S100A13: variants seen among roughly 807,000 people sequenced by gnomAD.
S100A13 encodes the protein protein S100-A13.
A neutral mutation model predicts 8.2 loss-of-function variants in S100A13; 6 were observed. The ratio of observed to expected loss-of-function variants is 0.73; its 90% CI spans 0.40 to 1.44. The LOEUF (loss-of-function observed/expected upper bound fraction) is 1.44. S100A13 is among the 40% of genes most tolerant of loss of function. S100A13 has a pLI of 0.02. For missense variants in S100A13, 114 were observed against 113.6 expected (o/e 1.00, Z -0.02); for synonymous variants, 39 against 45.9 (o/e 0.85, Z 0.61).
upstream of S100A13, chr1:153,629,533 G>C (rs376972852): frequency 2.0e-5 from 3 of 152,400 alleles, no homozygotes; most frequent in African/African-American, 7.2e-5. Context: ...GAGGCCCCCC[G>C]GCTTGGCAGT....
chr1:153,623,831 T>C (rs1557924367), intron 2 of S100A13, among the ~76,000 whole-genome samples: 1 of 152,232 alleles, frequency 6.6e-6, no homozygotes, highest in African/African-American at 2.4e-5. Flanking sequence ...AAGCTATGCA[T>C]TTTTCTCCAG....
rs564899266 is a variant in S100A13 at position 153,621,760 on chromosome 1, C to T, written c.154-2722G>A. On this transcript the variant is annotated intron_variant, in intron 2 of 2. Coordinates refer to ENST00000476133, the MANE Select transcript of S100A13 (RefSeq NM_001024211.2). ...AAAATCAGCCAGGCATGGTGATGCA[C>T]GGTTCAAGAATCGCTCGAACCCAAG... 9.3e-4 allele frequency among the ~76,000 whole-genome samples: 141 copies of T among 151,590 alleles called. 1 individual carries two copies. The highest frequency in any genetic ancestry group is 3.0e-3 in the African/African-American group (123 of 41,394).
chr1:153,628,384 G>A, upstream of S100A13: 2 of 1,548,330 alleles, frequency 1.3e-6, no homozygotes, highest in Non-Finnish European at 1.7e-6. Flanking sequence ...CGGTGGGGGG[G>A]TCAGCGGGGG....
upstream of S100A13, chr1:153,628,340 C>A (rs1442613816): frequency 1.3e-6 from 2 of 1,531,140 alleles, no homozygotes; most frequent in South Asian, 1.2e-5. Flanking sequence ...TGGCCCCTTG[C>A]CCCACAGGGT....
chr1:153,631,156 C>G (rs1667990235), upstream of S100A13: 1 of 350,934 alleles, frequency 2.8e-6, no homozygotes, highest in African/African-American at 2.1e-5. Context: ...TGGAGCATGT[C>G]AGTAGTTTCA....
At chr1:153,628,307 C>CA (rs1338028486), upstream of S100A13, 68 of 1,510,746 alleles carry the variant, frequency 4.5e-5, no homozygotes, top group Non-Finnish European at 5.6e-5. Context: ...GCCCAGGAGA[C>CA]AGAGGGCGCC....
chr1:153,630,572 C>T (rs953817567), upstream of S100A13: 5 of 1,614,244 alleles, frequency 3.1e-6, no homozygotes, highest in South Asian at 1.1e-5. Context: ...ACGTGTTCCA[C>T]GCCCACTCGG....
chr1:153,625,954 G>C (rs1173612239), intron 2 of S100A13, among the ~76,000 whole-genome samples: 1 of 152,204 alleles, frequency 6.6e-6, no homozygotes, highest in Admixed American at 6.5e-5. Flanking sequence ...GATCACCTGA[G>C]GTCAGGAGTT....
chr1:153,623,747 A>G (rs1667431879), intron 2 of S100A13, among the ~76,000 whole-genome samples: 1 of 152,222 alleles, frequency 6.6e-6, no homozygotes. Context: ...CCAGGGAAAC[A>G]CAGAACCGCC....
rs373433583 is a variant in S100A13 at position 153,624,190 on chromosome 1, G to A, written c.153+2130C>T. Among the ~76,000 whole-genome samples the A allele has an allele frequency of 1.2e-4, 19 of 152,302 alleles. No individual in the cohort carries two copies. In the East Asian group the frequency reaches 1.5e-3, roughly 12 times the overall value. On this transcript the variant is annotated intron_variant, in intron 2 of 2. Transcript: ENST00000476133. ...GAAATCAAGATTTTGGAAGTTGTGC[G>A]TTATTTTGTTAATGACACAGTCTAA...
At chr1:153,631,778 G>GT (rs1180336045), upstream of S100A13, 1 of 1,614,200 alleles carries the variant, frequency 6.2e-7, no homozygotes. Context: ...ACTTCCAGGA[G>GT]TATGTGGTGC....
chr1:153,626,273 C>T, intron 2 of S100A13, 47 bp downstream of exon 2: 1 of 1,575,266 alleles, frequency 6.3e-7, no homozygotes, highest in Non-Finnish European at 8.7e-7. Flanking sequence ...AACACAGTGT[C>T]CCATAATCAT....
upstream of S100A13, chr1:153,631,669 A>T (rs751459782): frequency 6.2e-7 from 1 of 1,613,082 alleles, no homozygotes; most frequent in Non-Finnish European, 8.5e-7. Flanking sequence ...TTCCCTATAC[A>T]CCTCCCTCTT....
chr1:153,619,550 G>A (rs532801303), intron 2 of S100A13, among the ~76,000 whole-genome samples: 1 of 152,256 alleles, frequency 6.6e-6, no homozygotes, highest in East Asian at 1.9e-4. Flanking sequence ...ATCCAGCTGG[G>A]TCACTAGATC....
rs544394894 is a variant in S100A13 at position 153,620,984 on chromosome 1, C to A, written c.154-1946G>T. Among the ~76,000 whole-genome samples the A allele has an allele frequency of 7.3e-5, 11 of 151,404 alleles. No individual in the cohort carries two copies. The South Asian group carries it at 2.3e-3, about 32-fold the overall frequency. Reference sequence around the variant, plus strand: ...GTTCTGGGAACAATTCCCATGGATACAAAATGACAACTATATATTTCATAT... The same window carrying A: ...GTTCTGGGAACAATTCCCATGGATAAAAAATGACAACTATATATTTCATAT... On this transcript the variant is annotated intron_variant, in intron 2 of 2. Transcript: ENST00000476133.
At chr1:153,621,593 T>G (rs1234827391) in intron 2 of S100A13, among the ~76,000 whole-genome samples, 1 of 150,882 alleles carries the variant, frequency 6.6e-6, no homozygotes, top group Non-Finnish European at 1.5e-5. Flanking sequence ...GCCAACGTGA[T>G]GAAACCCCAT....
upstream of S100A13, chr1:153,630,283 C>T (rs1242656173): frequency 5.4e-5 from 30 of 557,928 alleles, no homozygotes; most frequent in East Asian, 4.7e-4. Context: ...CCCTGATTCC[C>T]TCTGGCTGGG....
At chr1:153,627,892 T>G, upstream of S100A13, 3 of 803,882 alleles carry the variant, frequency 3.7e-6, no homozygotes, top group Non-Finnish European at 3.9e-6. Flanking sequence ...CCCCTTGGAA[T>G]GAGATCCCAC....
chr1:153,633,627 G>C (rs1008977625), upstream of S100A13, among the ~76,000 whole-genome samples: 5 of 152,276 alleles, frequency 3.3e-5, no homozygotes, highest in South Asian at 2.1e-4. Flanking sequence ...GAGCATTTAC[G>C]GCACTTCACA....
Sources: allele counts gnomAD v4.1 joint callset (sites outside exome capture counted in the v4.1 genomes callset), GRCh38; gene constraint gnomAD v4.1.1; transcripts MANE v1.5; gene names NCBI Gene and HGNC (gene_info 2026-07-23, HGNC 2026-07-21).